Variants in HIBCH observed in about 807,000 individuals in gnomAD.
The protein encoded by HIBCH is 3-hydroxyisobutyryl-CoA hydrolase, also known as 3-hydroxyisobutyryl-CoA hydrolase, mitochondrial.
A neutral mutation model predicts 58.2 loss-of-function variants in HIBCH; 50 were observed. The observed-to-expected ratio is 0.86, with a 90% CI of 0.68 to 1.09. The LOEUF (loss-of-function observed/expected upper bound fraction) is 1.09. Among genes scored for constraint, HIBCH ranks in the 50% least tolerant of loss-of-function variants. HIBCH has a pLI of 0.00. For synonymous variants in HIBCH, 151 were observed against 146.9 expected (o/e 1.03, Z -0.20); for missense variants, 450 against 449.7 (o/e 1.00, Z -0.01).
chr2:190,278,749 A>T (rs536709819), intron 6 of HIBCH, among the ~76,000 whole-genome samples: 67 of 151,596 alleles, frequency 4.4e-4, no homozygotes, highest in African/African-American at 1.6e-3. Flanking sequence ...AAAAAAAAAA[A>T]AAAAAAAAAG....
At chr2:190,199,559 T>A (rs1056709334), downstream of HIBCH, 6 of 311,396 alleles carry the variant, frequency 1.9e-5, no homozygotes, top group Non-Finnish European at 3.3e-5. Flanking sequence ...TTTCTTCTAC[T>A]GATAAGATAA....
At chr2:190,300,500 A>G (rs1296852411) in intron 2 of HIBCH, among the ~76,000 whole-genome samples, 1 of 150,360 alleles carries the variant, frequency 6.7e-6, no homozygotes, top group East Asian at 2.0e-4. Context: ...TACTTTGCCC[A>G]TTTTTTAATG....
At chr2:190,239,157 G>A (rs1005865275) in intron 11 of HIBCH, among the ~76,000 whole-genome samples, 1 of 152,080 alleles carries the variant, frequency 6.6e-6, no homozygotes, top group Non-Finnish European at 1.5e-5. Context: ...GTAAGGAAGG[G>A]GTCCAGTTTC....
At chr2:190,248,878 CA>C (rs918405465) in intron 9 of HIBCH, among the ~76,000 whole-genome samples, 98 of 143,226 alleles carry the variant, frequency 6.8e-4, no homozygotes, top group African/African-American at 2.2e-3. Flanking sequence ...AAAAAAAAAA[CA>C]AAAAAAAAAC....
At chr2:190,266,680 C>A (rs923872495) in intron 6 of HIBCH, among the ~76,000 whole-genome samples, 1 of 149,246 alleles carries the variant, frequency 6.7e-6, no homozygotes, top group East Asian at 2.0e-4. Flanking sequence ...GTGACGCGCC[C>A]GCCTCGGCCT....
intron 3 of HIBCH, among the ~76,000 whole-genome samples, chr2:190,295,974 T>G (rs1040053788): frequency 2.6e-5 from 4 of 152,210 alleles, no homozygotes; most frequent in Admixed American, 2.6e-4. Flanking sequence ...ATTTGAGGTA[T>G]GGAGAGATTA....
At position 190,264,698 on chromosome 2, in the gene HIBCH, T is replaced by C. The variant is rs567526882; in HGVS notation, c.439-3464A>G. Among the ~76,000 whole-genome samples, 3 of 152,356 alleles carry C rather than the reference T, an allele frequency of 2.0e-5. No homozygotes were observed. The South Asian group carries it at 6.2e-4, about 32-fold the overall frequency. ...ATCCATTCTAATATAAATGGCTATT[T>C]GGATTGTCTCCAGTTTTTGGCTATT... is the stretch of plus-strand genomic sequence containing the variant. On this transcript the variant is annotated intron_variant, in intron 6 of 13. Coordinates refer to ENST00000359678, the MANE Select transcript of HIBCH (RefSeq NM_014362.4).
In HIBCH at chr2:190,249,839, T is replaced by C. The variant is rs1686712276; in HGVS notation, c.664-113A>G. Reference sequence around the variant, plus strand: ...TTCTTGACTTTAAATTATGAAGCTGTCTCTTCAGGTGAATCACTGAAAGAA... The same window carrying C: ...TTCTTGACTTTAAATTATGAAGCTGCCTCTTCAGGTGAATCACTGAAAGAA... On this transcript the variant is annotated intron_variant, in intron 8 of 13. Coordinates refer to ENST00000359678, the MANE Select transcript of HIBCH (RefSeq NM_014362.4). 5 of 739,616 alleles carry C rather than the reference T, an allele frequency of 6.8e-6. No individual in the cohort carries two copies. In the South Asian group the frequency reaches 8.1e-5, roughly 12 times the overall value. 45.8% of individuals were successfully genotyped at this position (739,616 alleles called of 1,614,324 possible).
At chr2:190,257,218 G>C (rs1456928870) in intron 7 of HIBCH, among the ~76,000 whole-genome samples, 4 of 152,126 alleles carry the variant, frequency 2.6e-5, no homozygotes, top group Admixed American at 1.3e-4. Context: ...ACAAAAATAA[G>C]GAAGAGAGAA....
intron 11 of HIBCH, among the ~76,000 whole-genome samples, chr2:190,239,179 T>C (rs1686375506): frequency 6.6e-6 from 1 of 152,250 alleles, no homozygotes; most frequent in Non-Finnish European, 1.5e-5. Flanking sequence ...GTTTTCTGCA[T>C]ATGGCTAGCC....
Position 190,205,095 on chromosome 2 carries a change from T to C in HIBCH, c.*22A>G, listed in dbSNP as rs777256015. ...TAGATTGCCAACCCATGCTACAAAA[T>C]ATACCTTAAAAGCCTGTCACCTCAA... On this transcript the variant is annotated 3_prime_UTR_variant, in exon 14 of 14. Transcript: ENST00000359678. 3 of 1,382,062 alleles carry C rather than the reference T, an allele frequency of 2.2e-6. No homozygotes were observed. Among genetic ancestry groups the C allele is most frequent in the Admixed American group, 1.7e-5 (1 of 59,150 alleles). The allele number at this position is 1,382,062 out of a possible 1,614,324, so 85.6% of individuals were successfully genotyped here. A position where few individuals can be genotyped will look rare whatever the true frequency, so the allele number is the denominator to read the frequency against.
In HIBCH at chr2:190,217,532, A is replaced by G. The variant is rs965949768; in HGVS notation, c.892-4457T>C. The stretch of plus-strand genomic sequence containing the variant: ...AAAAGACCTCCTGGGTTAAGGCCAT[A>G]TTTAAGCAGGACTACTAACCTTTCT... On this transcript the variant is annotated intron_variant, in intron 11 of 13. Transcript: ENST00000359678. This position sits in a 1 kb window ranked among gnomAD's most constrained non-coding sequence, Gnocchi z 4.6. 6.6e-6 allele frequency among the ~76,000 whole-genome samples: 1 copy of G among 152,174 alleles called. No individual in the cohort carries two copies. The highest frequency in any genetic ancestry group is 1.5e-5 in the Non-Finnish European group (1 of 68,042).
intron 6 of HIBCH, among the ~76,000 whole-genome samples, chr2:190,263,124 C>T (rs954022120): frequency 1.4e-4 from 22 of 152,124 alleles, no homozygotes; most frequent in Non-Finnish European, 2.5e-4. Flanking sequence ...TTTATTTAAC[C>T]ATTAATCTTA....
At position 190,214,342 on chromosome 2, in the gene HIBCH, A is replaced by C. The variant is rs1575696863; in HGVS notation, c.892-1267T>G. 1 of 152,306 alleles carries C rather than the reference A, an allele frequency of 6.6e-6. No individual in the cohort carries two copies. Among genetic ancestry groups the C allele is most frequent in the East Asian group, 1.9e-4 (1 of 5,196 alleles). The allele number at this position is 152,306 out of a possible 1,614,324, so 9.4% of individuals were successfully genotyped here. ...GCTGAGTACACAGCAAAAACCTGAC[A>C]CAGAGACTAAGTGAAAATGGGAAAC... is the stretch of plus-strand genomic sequence containing the variant. On this transcript the variant is annotated intron_variant, in intron 11 of 13. Coordinates refer to ENST00000359678, the MANE Select transcript of HIBCH (RefSeq NM_014362.4). The surrounding 1 kb of genome is among the most constrained non-coding windows in gnomAD (Gnocchi z 5.5).
chr2:190,319,109 A>T (rs1298431992), intron 1 of HIBCH, among the ~76,000 whole-genome samples: 3 of 152,202 alleles, frequency 2.0e-5, no homozygotes, highest in Admixed American at 6.5e-5. Flanking sequence ...TTTAAGGCGC[A>T]TGCAGCCTAA....
At chr2:190,235,366 A>G (rs1559025718) in intron 11 of HIBCH, among the ~76,000 whole-genome samples, 3 of 152,218 alleles carry the variant, frequency 2.0e-5, no homozygotes, top group Non-Finnish European at 4.4e-5. Flanking sequence ...AACATTCTGC[A>G]TTTATGAGAA....
At chr2:190,241,252 G>T (rs919243560) in intron 11 of HIBCH, among the ~76,000 whole-genome samples, 11 of 152,046 alleles carry the variant, frequency 7.2e-5, no homozygotes, top group Non-Finnish European at 1.6e-4. Context: ...GATTGCTTTT[G>T]GTTTAAAGTC....
At chr2:190,234,273 T>C (rs62184389) in intron 11 of HIBCH, among the ~76,000 whole-genome samples, 6,252 of 152,314 alleles carry the variant, frequency 0.041, 194 homozygotes, top group Non-Finnish European at 0.068. Context: ...TGAAGATGAA[T>C]ATACACCTAC....
At chr2:190,248,952 C>T (rs1686687958) in intron 9 of HIBCH, among the ~76,000 whole-genome samples, 1 of 152,058 alleles carries the variant, frequency 6.6e-6, no homozygotes, top group Non-Finnish European at 1.5e-5. Context: ...GGGACCTAGT[C>T]CCTTTAGAAG....
Sources: gnomAD v4.1 joint callset for allele counts (sites outside exome capture counted in the v4.1 genomes callset) on GRCh38, gnomAD v4.1.1 for gene constraint, Gnocchi (gnomAD v3.1) non-coding constraint, MANE v1.5 for transcripts, NCBI Gene and HGNC (gene_info 2026-07-23, HGNC 2026-07-21) for gene names.